The following THSD7A variants were observed in gnomAD, a reference collection of about 807,000 sequenced individuals.
THSD7A encodes thrombospondin type 1 domain containing 7A, also known as thrombospondin type-1 domain-containing protein 7A.
In THSD7A, 96 loss-of-function variants were observed where a neutral mutation model predicts 231.3. The observed-to-expected ratio is 0.41, with a 90% confidence interval of 0.35 to 0.49. THSD7A has a LOEUF of 0.49. THSD7A is among the 20% of genes least tolerant of loss of function. The pLI is 0.05. For missense variants in THSD7A, 2,290 were observed against 2,070.2 expected (o/e 1.11, Z -2.06); for synonymous variants, 940 against 743.3 (o/e 1.26, Z -4.30).
At chr7:11,397,919 T>G (rs1329424360) in intron 23 of THSD7A, among the ~76,000 whole-genome samples, 3 of 152,182 alleles carry the variant, frequency 2.0e-5, no homozygotes, top group African/African-American at 4.8e-5. Flanking sequence ...AGAGAGGATG[T>G]GGAGAAACAG....
chr7:11,584,905 CAG>C (rs1584028115), intron 4 of THSD7A, among the ~76,000 whole-genome samples: 1 of 152,006 alleles, frequency 6.6e-6, no homozygotes, highest in East Asian at 1.9e-4. Context: ...CTTTGTGAAA[CAG>C]AATTTAAGGA....
intron 6 of THSD7A, among the ~76,000 whole-genome samples, chr7:11,509,830 A>AAAT (rs1053410393): frequency 2.0e-5 from 3 of 147,000 alleles, no homozygotes; most frequent in Non-Finnish European, 3.0e-5. Flanking sequence ...TCAAAAAAAA[A>AAAT]AAAAAATAAC....
intron 2 of THSD7A, among the ~76,000 whole-genome samples, chr7:11,612,948 T>C (rs1461414290): frequency 6.6e-6 from 1 of 152,186 alleles, no homozygotes; most frequent in Admixed American, 6.5e-5. Context: ...ATCTTACCTT[T>C]GGGCTACATC....
At chr7:11,386,475 GA>G (rs1210114346) in intron 23 of THSD7A, among the ~76,000 whole-genome samples, 1 of 152,192 alleles carries the variant, frequency 6.6e-6, no homozygotes, top group African/African-American at 2.4e-5. Context: ...CAGTGATGAT[GA>G]GCTTTTCTTC....
intron 7 of THSD7A, among the ~76,000 whole-genome samples, chr7:11,478,991 G>T (rs985777888): frequency 2.0e-5 from 3 of 152,166 alleles, no homozygotes; most frequent in African/African-American, 7.2e-5. Flanking sequence ...TTTACTTGCT[G>T]ATGCTTAAAA....
chr7:11,731,930 T>C (rs1351502877), intron 1 of THSD7A, among the ~76,000 whole-genome samples: 4 of 151,716 alleles, frequency 2.6e-5, no homozygotes, highest in African/African-American at 9.7e-5. Context: ...GTCCAGCTTA[T>C]TTTAGCATCA....
Position 11,772,182 on chromosome 7 carries a change from G to A in THSD7A, c.190+59575C>T, listed in dbSNP as rs564301166. On this transcript the variant is annotated intron_variant, in intron 1 of 27. Transcript: ENST00000423059. ...ATGAGATACTATCTCACACCAGTCA[G>A]AATTATTATTATTAAAAAGTTAAAA... is the stretch of plus-strand genomic sequence containing the variant. Among the ~76,000 whole-genome samples the A allele has an allele frequency of 2.7e-5, 4 of 149,756 alleles. No individual in the cohort carries two copies. In the South Asian group the frequency reaches 8.4e-4, roughly 32 times the overall value.
In THSD7A at chr7:11,406,376, G is replaced by A. The variant is rs369514298; in HGVS notation, c.4161C>T (p.Phe1387=). 2.5e-6 allele frequency: 4 copies of A among 1,613,810 alleles called. No individual in the cohort carries two copies. The African/African-American group carries it at 5.3e-5, about 22-fold the overall frequency. ...CTATAATGAGTTCAATGTCAGCACAGAATTCCTCATCCACCACTTTGCTGA... is the reference window on the plus strand; with the variant it reads ...CTATAATGAGTTCAATGTCAGCACAAAATTCCTCATCCACCACTTTGCTGA... The part of the protein sequence containing the change: ...DDFSKVVDEE[F]CADIELIIDG... The change falls in exon 22 of 28, where the codon TTC becomes TTT. Residue 1387 remains phenylalanine, a synonymous_variant. Transcript: ENST00000423059. The surrounding 1 kb of genome is among the most constrained non-coding windows in gnomAD (Gnocchi z 4.7).
intron 1 of THSD7A, among the ~76,000 whole-genome samples, chr7:11,730,381 G>C (rs141701031): frequency 6.6e-6 from 1 of 151,410 alleles, no homozygotes; most frequent in African/African-American, 2.4e-5. Context: ...AATGCACTCT[G>C]AACTTCACAA....
At chr7:11,626,903 T>G (rs1781488640) in intron 2 of THSD7A, among the ~76,000 whole-genome samples, 1 of 152,182 alleles carries the variant, frequency 6.6e-6, no homozygotes, top group Non-Finnish European at 1.5e-5. Context: ...TTATCTTAAT[T>G]GAATAAAACA....
In THSD7A at chr7:11,493,637, T is replaced by C. The variant is rs141843442; in HGVS notation, c.1823-11655A>G. 9.5e-4 allele frequency among the ~76,000 whole-genome samples: 144 copies of C among 152,250 alleles called. 2 individuals are homozygous for C. In the East Asian group the frequency reaches 0.022, roughly 23 times the overall value. On this transcript the variant is annotated intron_variant, in intron 6 of 27. Coordinates refer to ENST00000423059, the MANE Select transcript of THSD7A (RefSeq NM_015204.3). ...GTCATATTTGTAACTTGAATTTACA[T>C]ATAGTTATTTAATTGAAGGTAAACA... is the stretch of plus-strand genomic sequence containing the variant.
At chr7:11,428,251 A>G (rs1272007088) in intron 14 of THSD7A, among the ~76,000 whole-genome samples, 1 of 152,222 alleles carries the variant, frequency 6.6e-6, no homozygotes, top group African/African-American at 2.4e-5. Context: ...TTATAGGCCA[A>G]ACATGGTAAT....
chr7:11,461,928 C>T lies in THSD7A; in HGVS notation c.2501+83G>A, dbSNP rs952931579. On this transcript the variant is annotated intron_variant, in intron 10 of 27. Coordinates refer to ENST00000423059, the MANE Select transcript of THSD7A (RefSeq NM_015204.3). ...GAGCCTGTGGAAGGAACAGTGTTGACTTCCTTTCCTTATCCTAGGAAAGGA... is the reference window on the plus strand; with the variant it reads ...GAGCCTGTGGAAGGAACAGTGTTGATTTCCTTTCCTTATCCTAGGAAAGGA... 9 of 1,525,504 alleles carry T rather than the reference C, an allele frequency of 5.9e-6. No individual in the cohort carries two copies. The Admixed American group carries it at 7.3e-5, about 12-fold the overall frequency. 94.5% of individuals were successfully genotyped at this position (1,525,504 alleles called of 1,614,324 possible).
At chr7:11,396,744 A>G (rs996065358) in intron 23 of THSD7A, among the ~76,000 whole-genome samples, 1 of 152,208 alleles carries the variant, frequency 6.6e-6, no homozygotes, top group Non-Finnish European at 1.5e-5. Context: ...TACTCCACAC[A>G]ATATAAAAAG....
At chr7:11,664,450 G>A (rs1292620308) in intron 1 of THSD7A, among the ~76,000 whole-genome samples, 1 of 151,894 alleles carries the variant, frequency 6.6e-6, no homozygotes, top group African/African-American at 2.4e-5. Flanking sequence ...TAGGGATGTT[G>A]TGTGTATTAG....
At chr7:11,479,384 T>G (rs1389919895) in intron 7 of THSD7A, among the ~76,000 whole-genome samples, 2 of 152,236 alleles carry the variant, frequency 1.3e-5, no homozygotes, top group Admixed American at 1.3e-4. Context: ...TAGAAAATCA[T>G]ATAATTTCTT....
intron 6 of THSD7A, among the ~76,000 whole-genome samples, chr7:11,516,540 G>A (rs1485617668): frequency 1.3e-5 from 2 of 152,200 alleles, no homozygotes; most frequent in Non-Finnish European, 2.9e-5. Flanking sequence ...TGTGTGCAGA[G>A]ATGACCTTGT....
chr7:11,440,976 C>T (rs1784786453), intron 13 of THSD7A, among the ~76,000 whole-genome samples: 2 of 151,996 alleles, frequency 1.3e-5, no homozygotes, highest in South Asian at 4.1e-4. Flanking sequence ...TCAATGGATG[C>T]AGCAAAATTC....
At chr7:11,749,335 C>CA (rs1321163339) in intron 1 of THSD7A, among the ~76,000 whole-genome samples, 5 of 151,942 alleles carry the variant, frequency 3.3e-5, no homozygotes, top group Non-Finnish European at 5.9e-5. Flanking sequence ...TATTGCTGTG[C>CA]ACCCCCCACA....
Sources: gnomAD v4.1 joint callset for allele counts (sites outside exome capture counted in the v4.1 genomes callset) on GRCh38, gnomAD v4.1.1 for gene constraint, Gnocchi (gnomAD v3.1) non-coding constraint, MANE v1.5 for transcripts, NCBI Gene and HGNC (gene_info 2026-07-23, HGNC 2026-07-21) for gene names.